The following GLIS3 variants were observed in gnomAD, a reference collection of about 807,000 sequenced individuals.
GLIS3 encodes zinc finger protein GLIS3.
A neutral mutation model predicts 78.6 loss-of-function variants in GLIS3; 53 were observed. The ratio of observed to expected loss-of-function variants is 0.67; its 90% confidence interval spans 0.54 to 0.85. GLIS3 has a LOEUF of 0.85. Among genes scored for constraint, GLIS3 ranks in the 40% least tolerant of loss-of-function variants. The probability of loss-of-function intolerance (pLI) is 0.00; values close to 1 mark genes in which losing one functional copy is unlikely to be tolerated. For synonymous variants in GLIS3, 684 were observed against 509.9 expected (o/e 1.34, Z -4.60); for missense variants, 1,703 against 1,231.1 (o/e 1.38, Z -5.74).
the GLIS3 span, among the ~76,000 whole-genome samples, chr9:4,459,382 G>A: frequency 6.6e-6 from 1 of 152,212 alleles, no homozygotes; most frequent in African/African-American, 2.4e-5. Context: ...TGGGAATCTG[G>A]GAACAAACCT....
chr9:4,179,073 T>G (rs973321108), intron 2 of GLIS3, among the ~76,000 whole-genome samples: 1 of 152,208 alleles, frequency 6.6e-6, no homozygotes, highest in Non-Finnish European at 1.5e-5. Flanking sequence ...AGCCTGAGTT[T>G]TGGATGGTGC....
intron 5 of GLIS3, among the ~76,000 whole-genome samples, chr9:3,934,965 G>T (rs1373600202): frequency 6.6e-6 from 1 of 152,108 alleles, no homozygotes; most frequent in East Asian, 1.9e-4. Flanking sequence ...TACAATTACT[G>T]TGTAGATATT....
At chr9:3,939,789 T>C (rs1826099052) in intron 4 of GLIS3, among the ~76,000 whole-genome samples, 1 of 152,188 alleles carries the variant, frequency 6.6e-6, no homozygotes, top group African/African-American at 2.4e-5. Flanking sequence ...CAGTTTCATG[T>C]AGTCAGGGGC....
At chr9:3,909,985 A>G (rs1187847098) in intron 6 of GLIS3, among the ~76,000 whole-genome samples, 4 of 152,228 alleles carry the variant, frequency 2.6e-5, no homozygotes, top group Admixed American at 2.6e-4. Context: ...GCACTACTGC[A>G]TACCATGGTA....
intron 2 of GLIS3, among the ~76,000 whole-genome samples, chr9:4,136,156 A>G (rs555724265): frequency 2.0e-5 from 3 of 152,350 alleles, no homozygotes; most frequent in Non-Finnish European, 4.4e-5. Flanking sequence ...AATGCTGGAT[A>G]TAACATCCTA....
the GLIS3 span, among the ~76,000 whole-genome samples, chr9:4,409,469 TA>T: frequency 6.6e-6 from 1 of 152,204 alleles, no homozygotes; most frequent in Non-Finnish European, 1.5e-5. Context: ...CTAGTATACT[TA>T]TGGCTCAATT....
chr9:4,430,629 A>C, the GLIS3 span, among the ~76,000 whole-genome samples: 1 of 152,240 alleles, frequency 6.6e-6, no homozygotes, highest in African/African-American at 2.4e-5. Flanking sequence ...ATCAAAGAAC[A>C]ACTAGCAAGA....
At chr9:4,326,152 C>A (rs1337542889) in intron 2 of GLIS3, among the ~76,000 whole-genome samples, 1 of 152,160 alleles carries the variant, frequency 6.6e-6, no homozygotes, top group Non-Finnish European at 1.5e-5. Flanking sequence ...CACCGTGGCA[C>A]ACATTTACCT....
chr9:4,312,131 T>C (rs535696178), intron 2 of GLIS3, among the ~76,000 whole-genome samples: 1 of 152,152 alleles, frequency 6.6e-6, no homozygotes, highest in East Asian at 1.9e-4. Context: ...CCTCTGAACC[T>C]AAAATAAAAG....
intron 8 of GLIS3, among the ~76,000 whole-genome samples, chr9:3,856,718 T>G: frequency 6.6e-6 from 1 of 152,188 alleles, no homozygotes; most frequent in East Asian, 1.9e-4. Context: ...CAAGAATGAA[T>G]TAACTTAAAC....
chr9:4,380,557 T>C, the GLIS3 span, among the ~76,000 whole-genome samples: 3 of 152,228 alleles, frequency 2.0e-5, no homozygotes, highest in African/African-American at 7.2e-5. Context: ...ATAGGAGAAC[T>C]TGTTAACTAT....
intron 2 of GLIS3, among the ~76,000 whole-genome samples, chr9:4,267,945 CTG>C (rs5896056): frequency 8.1e-6 from 1 of 122,758 alleles, no homozygotes; most frequent in African/African-American, 3.3e-5. Flanking sequence ...ATAAAAATAC[CTG>C]TGTGTGTGTG....
chr9:4,116,427 T>C (rs1039719142), intron 4 of GLIS3, among the ~76,000 whole-genome samples: 1 of 152,262 alleles, frequency 6.6e-6, no homozygotes, highest in Non-Finnish European at 1.5e-5. Flanking sequence ...ATTCTCGCAA[T>C]GTATCAGCTT....
intron 8 of GLIS3, among the ~76,000 whole-genome samples, chr9:3,862,182 G>C (rs1820255690): frequency 6.6e-6 from 1 of 152,122 alleles, no homozygotes; most frequent in African/African-American, 2.4e-5. Flanking sequence ...AAAATAATTT[G>C]CTTAAAGTCA....
At chr9:4,078,721 G>C (rs1828289244) in intron 4 of GLIS3, among the ~76,000 whole-genome samples, 1 of 152,176 alleles carries the variant, frequency 6.6e-6, no homozygotes, top group East Asian at 1.9e-4. Flanking sequence ...TTCTTTCAGA[G>C]GTTTCTAACA....
chr9:3,845,647 T>A (rs1179599187), intron 9 of GLIS3, among the ~76,000 whole-genome samples: 1 of 152,162 alleles, frequency 6.6e-6, no homozygotes, highest in Non-Finnish European at 1.5e-5. Flanking sequence ...ATAATAGTAA[T>A]TAGGCTTCCA....
chr9:3,875,495 G>T (rs934672611), intron 8 of GLIS3: 1 of 152,168 alleles, frequency 6.6e-6, no homozygotes, highest in African/African-American at 2.4e-5. Flanking sequence ...AGGAAAAGAT[G>T]CCAGTTTCCC....
At chr9:4,218,016 T>C (rs1292714011) in intron 2 of GLIS3, among the ~76,000 whole-genome samples, 3 of 152,236 alleles carry the variant, frequency 2.0e-5, no homozygotes, top group Non-Finnish European at 4.4e-5. Flanking sequence ...TTAAGATTTA[T>C]TTGGATTCTG....
the GLIS3 span, among the ~76,000 whole-genome samples, chr9:4,465,938 G>T: frequency 6.6e-6 from 1 of 152,132 alleles, no homozygotes; most frequent in African/African-American, 2.4e-5. Context: ...GAGAGTAAAA[G>T]ATCACAGAGA....
Sources: allele counts gnomAD v4.1 joint callset (sites outside exome capture counted in the v4.1 genomes callset), GRCh38; gene constraint gnomAD v4.1.1; transcripts MANE v1.5; gene names NCBI Gene and HGNC (gene_info 2026-07-23, HGNC 2026-07-21).